IRAK1BP1: variants seen among roughly 807,000 people sequenced by gnomAD.
IRAK1BP1 encodes interleukin-1 receptor-associated kinase 1-binding protein 1.
A neutral mutation model predicts 28.0 loss-of-function variants in IRAK1BP1; 24 were observed. The ratio of observed to expected loss-of-function variants is 0.86; its 90% CI spans 0.62 to 1.20. The LOEUF is 1.20. Ranked by LOEUF, IRAK1BP1 falls within the 50% of genes most tolerant of loss-of-function variation. The pLI is 0.00. For missense variants in IRAK1BP1, 336 were observed against 316.7 expected, an observed-to-expected ratio of 1.06 and a Z score of -0.46; for synonymous variants, 131 against 116.3, an observed-to-expected ratio of 1.13 and a Z score of -0.81.
the IRAK1BP1 span, chr6:78,963,220 G>C: frequency 6.2e-7 from 1 of 1,607,350 alleles, no homozygotes; most frequent in East Asian, 2.2e-5. Flanking sequence ...TCAGTTAAAG[G>C]AACACTGGTA....
the IRAK1BP1 span, among the ~76,000 whole-genome samples, chr6:78,966,711 A>G: frequency 6.5e-4 from 99 of 152,354 alleles, 1 homozygote; most frequent in South Asian, 8.1e-3. Flanking sequence ...TGAACAAGCT[A>G]TAAATGCTAT....
rs894754417 is a variant in IRAK1BP1, at chr6:78,901,756, G to A, written c.*3422G>A. 3.9e-5 allele frequency: 6 copies of A among 152,032 alleles called. No homozygotes were observed. Among genetic ancestry groups the A allele is most frequent in the African/African-American group, 1.4e-4 (6 of 41,392 alleles). The allele number at this position is 152,032 out of a possible 1,614,324, so 9.4% of individuals were successfully genotyped here. On this transcript the variant is annotated 3_prime_UTR_variant, in exon 4 of 4. Transcript: ENST00000369940. ...ACTAAAAATTACATTTTTTATAGTGGCAATGTACTTTTATCAGTATTCTTA... is the reference window on the plus strand; with the variant it reads ...ACTAAAAATTACATTTTTTATAGTGACAATGTACTTTTATCAGTATTCTTA...
downstream of IRAK1BP1, among the ~76,000 whole-genome samples, chr6:78,949,648 C>G (rs950576494): frequency 1.3e-5 from 2 of 151,954 alleles, no homozygotes; most frequent in East Asian, 3.9e-4. Flanking sequence ...CCCTGTGTGG[C>G]ATGTGGTAAG....
the IRAK1BP1 span, chr6:78,963,327 T>C: frequency 1.7e-6 from 2 of 1,147,106 alleles, no homozygotes; most frequent in Non-Finnish European, 1.2e-6. Flanking sequence ...AATGTAAAAA[T>C]AACAGTCACA....
chr6:78,954,965 TG>T, the IRAK1BP1 span: 3 of 1,547,486 alleles, frequency 1.9e-6, no homozygotes, highest in African/African-American at 1.4e-5. Context: ...CTGATGGTCC[TG>T]TGATAAAAGT....
the IRAK1BP1 span, chr6:78,965,875 C>T: frequency 8.0e-7 from 1 of 1,242,826 alleles, no homozygotes; most frequent in Middle Eastern, 1.9e-4. Context: ...GTCTCTTTAT[C>T]TCTTAATAGA....
chr6:78,978,749 A>T, the IRAK1BP1 span: 1 of 1,518,924 alleles, frequency 6.6e-7, no homozygotes, highest in East Asian at 2.3e-5. Context: ...AGTAATAATC[A>T]AAAAAGCATT....
At chr6:78,977,412 T>C in the IRAK1BP1 span, among the ~76,000 whole-genome samples, 2 of 151,994 alleles carry the variant, frequency 1.3e-5, no homozygotes, top group Non-Finnish European at 2.9e-5. Flanking sequence ...CATTGGGAGA[T>C]ATACCTAATG....
chr6:78,947,988 A>T (rs937172775), downstream of IRAK1BP1, among the ~76,000 whole-genome samples: 8 of 151,870 alleles, frequency 5.3e-5, no homozygotes, highest in South Asian at 1.1e-3. Context: ...TAATTTTCTT[A>T]TTCAAGAACA....
chr6:78,963,594 G>A, the IRAK1BP1 span, among the ~76,000 whole-genome samples: 6 of 152,058 alleles, frequency 3.9e-5, no homozygotes, highest in Non-Finnish European at 7.4e-5. Flanking sequence ...CTTTGATAAA[G>A]TATACACAAG....
chr6:78,868,733 C>T (rs1028006958), intron 1 of IRAK1BP1, among the ~76,000 whole-genome samples: 1 of 152,202 alleles, frequency 6.6e-6, no homozygotes, highest in Non-Finnish European at 1.5e-5. Context: ...TATTTGAACT[C>T]ATGTATTCCT....
At chr6:78,950,240 G>T (rs915399708), downstream of IRAK1BP1, among the ~76,000 whole-genome samples, 5 of 152,128 alleles carry the variant, frequency 3.3e-5, no homozygotes, top group Non-Finnish European at 5.9e-5. Flanking sequence ...ACAGCACTTG[G>T]TCATGGTATA....
Position 78,898,282 on chromosome 6 carries a change from T to C in IRAK1BP1, c.731T>C (p.Val244Ala), listed in dbSNP as rs778998359. The C allele has an allele frequency of 6.2e-7, 1 of 1,608,732 alleles. No homozygotes were observed. Among genetic ancestry groups the C allele is most frequent in the Non-Finnish European group, 8.5e-7 (1 of 1,177,744 alleles). Residue 244 changes from valine (V) to alanine (A), a missense_variant, in exon 4 of 4, where the codon GTA (valine) becomes GCA (alanine). Coordinates refer to ENST00000369940, the MANE Select transcript of IRAK1BP1 (RefSeq NM_001010844.4). The part of the protein sequence containing the change: ...KSATIHAASK[V>A]FITFEVKGKE... ...GCAACAATACATGCTGCTTCAAAAG[T>C]ATTTATAACTTTTGAGGTAAAGGGA...
chr6:78,933,144 A>G (rs910647014), intron 4 of IRAK1BP1, among the ~76,000 whole-genome samples: 2 of 152,298 alleles, frequency 1.3e-5, no homozygotes, highest in Non-Finnish European at 1.5e-5. Context: ...GAAGCTAGGC[A>G]TTGACTTCTC....
chr6:78,900,606 T>G lies in IRAK1BP1; in HGVS notation c.*2272T>G, dbSNP rs1185432890. The G allele has an allele frequency of 6.6e-6, 1 of 151,832 alleles. No homozygotes were observed. The highest frequency in any genetic ancestry group is 1.5e-5 in the Non-Finnish European group (1 of 67,938). 9.4% of individuals were successfully genotyped at this position (151,832 alleles called of 1,614,324 possible). A position where few individuals can be genotyped will look rare whatever the true frequency, so the allele number is the denominator to read the frequency against. ...CTTGTCTGTCTTGTTCACAGTTGTG[T>G]TCCCAGCCCCAGAGGTAGTCTCAGG... On this transcript the variant is annotated 3_prime_UTR_variant, in exon 4 of 4. Coordinates refer to ENST00000369940, the MANE Select transcript of IRAK1BP1 (RefSeq NM_001010844.4).
intron 2 of IRAK1BP1, among the ~76,000 whole-genome samples, chr6:78,891,892 A>G (rs1425039235): frequency 1.3e-5 from 2 of 152,114 alleles, no homozygotes; most frequent in African/African-American, 2.4e-5. Context: ...CATGCCTGCT[A>G]TGTGTTAAGC....
chr6:78,900,366 G>T lies in IRAK1BP1; in HGVS notation c.*2032G>T, dbSNP rs1355566940. 2.0e-5 allele frequency: 3 copies of T among 152,164 alleles called. No individual in the cohort carries two copies. The East Asian group carries it at 5.8e-4, about 29-fold the overall frequency. 9.4% of individuals were successfully genotyped at this position (152,164 alleles called of 1,614,324 possible). A position where few individuals can be genotyped will look rare whatever the true frequency, so the allele number is the denominator to read the frequency against. On this transcript the variant is annotated 3_prime_UTR_variant, in exon 4 of 4. Coordinates refer to ENST00000369940, the MANE Select transcript of IRAK1BP1 (RefSeq NM_001010844.4). The stretch of plus-strand genomic sequence containing the variant: ...TAGAGTTTTTCCATTGATAAATCTG[G>T]ATGTTTATATACCAACAGTACTTTC...
At chr6:78,916,334 T>C (rs1391716026) in intron 4 of IRAK1BP1, among the ~76,000 whole-genome samples, 2 of 152,116 alleles carry the variant, frequency 1.3e-5, no homozygotes, top group Admixed American at 6.6e-5. Context: ...TGCAAGAAGG[T>C]CCTCTTGGTG....
At chr6:78,948,428 C>A (rs2127684291), downstream of IRAK1BP1, among the ~76,000 whole-genome samples, 1 of 152,250 alleles carries the variant, frequency 6.6e-6, no homozygotes, top group African/African-American at 2.4e-5. Flanking sequence ...AGAAAATTAT[C>A]ATAATATGGT....
Sources: allele counts gnomAD v4.1 joint callset (sites outside exome capture counted in the v4.1 genomes callset), GRCh38; gene constraint gnomAD v4.1.1; transcripts MANE v1.5; gene names NCBI Gene and HGNC (gene_info 2026-07-23, HGNC 2026-07-21).